The following CNBD1 variants were observed in gnomAD, a reference collection of about 807,000 sequenced individuals.
The protein encoded by CNBD1 is cyclic nucleotide-binding domain-containing protein 1.
A neutral mutation model predicts 54.4 loss-of-function variants in CNBD1; 71 were observed. That is an observed-to-expected ratio of 1.30 (90% CI 1.08 to 1.59). CNBD1 has a LOEUF of 1.59. CNBD1 is among the 40% of genes most tolerant of loss of function. CNBD1 has a pLI of 0.00. For missense variants in CNBD1, 659 were observed against 518.0 expected, an observed-to-expected ratio of 1.27 and a Z score of -2.64; for synonymous variants, 182 against 170.7, an observed-to-expected ratio of 1.07 and a Z score of -0.51.
At chr8:86,957,841 C>T (rs1807818886) in intron 4 of CNBD1, among the ~76,000 whole-genome samples, 1 of 152,136 alleles carries the variant, frequency 6.6e-6, no homozygotes, top group Non-Finnish European at 1.5e-5. Flanking sequence ...CAGTTTTGCT[C>T]TGATCTTAGT....
intron 6 of CNBD1, among the ~76,000 whole-genome samples, chr8:87,277,663 C>G (rs182061006): frequency 2.0e-5 from 3 of 151,780 alleles, no homozygotes; most frequent in African/African-American, 4.8e-5. Context: ...AGAACCAAAA[C>G]ACTGTCCTAA....
rs1812893905 is a variant in CNBD1, at chr8:87,163,251, G to A, written c.432-42742G>A. Among the ~76,000 whole-genome samples the A allele has an allele frequency of 6.6e-6, 1 of 152,040 alleles. No individual in the cohort carries two copies. Among genetic ancestry groups the A allele is most frequent in the African/African-American group, 2.4e-5 (1 of 41,428 alleles). On this transcript the variant is annotated intron_variant, in intron 4 of 10. Coordinates refer to ENST00000518476, the MANE Select transcript of CNBD1 (RefSeq NM_173538.3). This position sits in a 1 kb window ranked among gnomAD's most constrained non-coding sequence, Gnocchi z 4.5. ...TTGTAACATAATTTGAAATCAGGAA[G>A]TGTGATGTCCCCAGCTTTGTTTTTC...
intron 2 of CNBD1, among the ~76,000 whole-genome samples, chr8:87,388,532 A>G (rs530095842): frequency 3.9e-5 from 6 of 152,088 alleles, no homozygotes; most frequent in Admixed American, 2.0e-4. Context: ...ACACATACAC[A>G]CTCCCAAGAC....
Position 86,913,446 on chromosome 8 carries a change from A to G in CNBD1, c.272+8252A>G, listed in dbSNP as rs1035349584. Among the ~76,000 whole-genome samples, 9 of 151,972 alleles carry G rather than the reference A, an allele frequency of 5.9e-5. No homozygotes were observed. In the East Asian group the frequency reaches 9.7e-4, roughly 16 times the overall value. On this transcript the variant is annotated intron_variant, in intron 3 of 10. Coordinates refer to ENST00000518476, the MANE Select transcript of CNBD1 (RefSeq NM_173538.3). ...CATTATTTCACATAGGTTATTTTCT[A>G]TTTTCCCTAAGTGTTGGCTGGTCTG...
intron 3 of CNBD1, among the ~76,000 whole-genome samples, chr8:86,913,073 CATT>C (rs1809129344): frequency 6.6e-6 from 1 of 152,074 alleles, no homozygotes; most frequent in Non-Finnish European, 1.5e-5. Context: ...AGAGTAAAGA[CATT>C]AAACACAATG....
intron 6 of CNBD1, among the ~76,000 whole-genome samples, chr8:87,256,007 ATATATATATTTTTTTT>A (rs1468234846): frequency 3.5e-4 from 7 of 19,798 alleles, no homozygotes; most frequent in South Asian, 2.6e-3. Flanking sequence ...ATATATATAT[ATATATATATTTTTTTT>A]TTTTTTTTTT....
At chr8:87,228,918 C>T (rs2130817948) in intron 5 of CNBD1, among the ~76,000 whole-genome samples, 1 of 152,326 alleles carries the variant, frequency 6.6e-6, no homozygotes, top group Non-Finnish European at 1.5e-5. Context: ...ACCCTCCGAG[C>T]CAGGTGGGGG....
intron 2 of CNBD1, among the ~76,000 whole-genome samples, chr8:87,423,081 T>C (rs950796268): frequency 9.2e-5 from 14 of 152,212 alleles, no homozygotes; most frequent in African/African-American, 3.4e-4. Context: ...TGTTTGTCTG[T>C]TGTTGGTGTA....
downstream of CNBD1, among the ~76,000 whole-genome samples, chr8:87,387,115 T>TG (rs1400727804): frequency 6.6e-6 from 1 of 152,086 alleles, no homozygotes; most frequent in African/African-American, 2.4e-5. Flanking sequence ...AGCACTAACA[T>TG]GGAAAGGAAC....
rs1462210554 is a variant in CNBD1 at position 86,940,125 on chromosome 8, CAT to C, written c.431+372_431+373del. On this transcript the variant is annotated intron_variant, in intron 4 of 10. Coordinates refer to ENST00000518476, the MANE Select transcript of CNBD1 (RefSeq NM_173538.3). ...CAGGAGTCTTTAAATAAACTTACCA[CAT>C]GTTACTTTTTTTTTTTTTTTTTTTG... Among the ~76,000 whole-genome samples the C allele has an allele frequency of 3.9e-3, 309 of 79,764 alleles. 2 individuals are homozygous for C. Among genetic ancestry groups the C allele is most frequent in the African/African-American group, 0.016 (261 of 16,658 alleles). The allele number at this position is 79,764 out of a possible 152,430, so 52.3% of individuals were successfully genotyped here.
At chr8:87,154,960 A>G (rs1812683580) in intron 4 of CNBD1, among the ~76,000 whole-genome samples, 1 of 152,156 alleles carries the variant, frequency 6.6e-6, no homozygotes. Flanking sequence ...GAGGAGTTAA[A>G]TGAGAGTATC....
At chr8:87,251,718 C>T (rs916203303) in intron 6 of CNBD1, among the ~76,000 whole-genome samples, 3 of 151,746 alleles carry the variant, frequency 2.0e-5, no homozygotes, top group Non-Finnish European at 4.4e-5. Context: ...TATTTCATCA[C>T]GCTATTTTTC....
At chr8:86,969,293 A>C (rs758012652) in intron 4 of CNBD1, among the ~76,000 whole-genome samples, 8 of 152,226 alleles carry the variant, frequency 5.3e-5, no homozygotes, top group East Asian at 1.9e-4. Context: ...GATAAATAAT[A>C]CATTAAACAA....
At chr8:86,923,742 GT>G (rs771526306) in intron 3 of CNBD1, among the ~76,000 whole-genome samples, 1 of 152,120 alleles carries the variant, frequency 6.6e-6, no homozygotes, top group Non-Finnish European at 1.5e-5. Context: ...ATTTAGTTCA[GT>G]TTTGTTGAGA....
intron 9 of CNBD1, among the ~76,000 whole-genome samples, chr8:87,352,478 C>CAAAAAA (rs386413278): frequency 0.04 from 4,321 of 106,932 alleles, 229 homozygotes; most frequent in Middle Eastern, 0.072. Flanking sequence ...GACTCTGTCT[C>CAAAAAA]AAAAAAAAAA....
rs1812266952 is a variant in CNBD1, at chr8:87,137,114, TTATATTTTTATTATATATAAATTATATA to T, written c.432-68866_432-68839del. ...TTATATTATATGTAAATTATATATA[TTATATTTTTATTATATATAAATTATATA>T]TATATTTTTATTCTATATAAATTAT... is the stretch of plus-strand genomic sequence containing the variant. On this transcript the variant is annotated intron_variant, in intron 4 of 10. Transcript: ENST00000518476. Among the ~76,000 whole-genome samples, 20 of 62,002 alleles carry T rather than the reference TTATATTTTTATTATATATAAATTATATA, an allele frequency of 3.2e-4. 1 individual carries two copies. Among genetic ancestry groups the T allele is most frequent in the East Asian group, 3.0e-3 (8 of 2,644 alleles). The allele number at this position is 62,002 out of a possible 152,430, so 40.7% of individuals were successfully genotyped here.
intron 4 of CNBD1, among the ~76,000 whole-genome samples, chr8:87,131,394 C>CT (rs549393539): frequency 1.3e-3 from 193 of 152,106 alleles, no homozygotes; most frequent in Non-Finnish European, 1.8e-3. Flanking sequence ...ACATTTTTAA[C>CT]TTTTCACACC....
intron 8 of CNBD1, among the ~76,000 whole-genome samples, chr8:87,338,624 T>A: frequency 6.6e-6 from 1 of 151,856 alleles, no homozygotes; most frequent in African/African-American, 2.4e-5. Flanking sequence ...TCTTTGTTTT[T>A]TTTTTTCTAG....
chr8:87,419,098 T>C (rs1239785069), intron 2 of CNBD1, among the ~76,000 whole-genome samples: 3 of 101,104 alleles, frequency 3.0e-5, no homozygotes, highest in Non-Finnish European at 5.9e-5. Flanking sequence ...CCATATTATA[T>C]GTATATATAT....
Sources: gnomAD v4.1 joint callset for allele counts (sites outside exome capture counted in the v4.1 genomes callset) on GRCh38, gnomAD v4.1.1 for gene constraint, Gnocchi (gnomAD v3.1) non-coding constraint, MANE v1.5 for transcripts, NCBI Gene and HGNC (gene_info 2026-07-23, HGNC 2026-07-21) for gene names.